Variants in LRRC4C observed in about 807,000 individuals in gnomAD.
LRRC4C encodes leucine rich repeat containing 4C.
Under a neutral mutation model 33.6 loss-of-function variants are expected in LRRC4C, and 5 were observed. The observed-to-expected ratio is 0.15, with a 90% confidence interval of 0.08 to 0.31. LRRC4C has a LOEUF of 0.31. Ranked by LOEUF, LRRC4C falls within the 10% of genes least tolerant of loss-of-function variation. The pLI is 1.00. For missense variants in LRRC4C, 560 were observed against 796.7 expected, an observed-to-expected ratio of 0.70 and a Z score of 3.58; for synonymous variants, 329 against 302.0, an observed-to-expected ratio of 1.09 and a Z score of -0.93.
intron 4 of LRRC4C, among the ~76,000 whole-genome samples, chr11:40,242,121 C>G (rs954432815): frequency 6.6e-6 from 1 of 152,164 alleles, no homozygotes; most frequent in African/African-American, 2.4e-5. Flanking sequence ...CAGTCTCCAG[C>G]GAGCTGTACA....
intron 1 of LRRC4C, among the ~76,000 whole-genome samples, chr11:41,396,401 A>G (rs564157222): frequency 6.6e-6 from 1 of 152,072 alleles, no homozygotes; most frequent in Non-Finnish European, 1.5e-5. Context: ...TTAGATTGTA[A>G]TTTTGAGATT....
chr11:40,243,980 A>G (rs1866136311), intron 4 of LRRC4C, among the ~76,000 whole-genome samples: 1 of 151,804 alleles, frequency 6.6e-6, no homozygotes, highest in Non-Finnish European at 1.5e-5. Context: ...GATTACAGGC[A>G]TGAGCCACAG....
intron 2 of LRRC4C, among the ~76,000 whole-genome samples, chr11:40,877,083 T>C (rs1954933492): frequency 6.6e-6 from 1 of 151,676 alleles, no homozygotes; most frequent in Admixed American, 6.6e-5. Flanking sequence ...TTTAACGAGG[T>C]TGATAATTTA....
At chr11:40,758,251 A>G (rs980260568) in intron 2 of LRRC4C, among the ~76,000 whole-genome samples, 10 of 151,944 alleles carry the variant, frequency 6.6e-5, no homozygotes, top group Admixed American at 2.0e-4. Context: ...AACTGGCTTT[A>G]AAAAATTATG....
At chr11:40,310,562 T>C (rs899034495) in intron 4 of LRRC4C, among the ~76,000 whole-genome samples, 1 of 152,208 alleles carries the variant, frequency 6.6e-6, no homozygotes, top group Non-Finnish European at 1.5e-5. Context: ...CCTCCAATCA[T>C]CTTTATTAAA....
At chr11:40,178,558 A>C (rs575723219) in intron 5 of LRRC4C, among the ~76,000 whole-genome samples, 1 of 152,334 alleles carries the variant, frequency 6.6e-6, no homozygotes, top group South Asian at 2.1e-4. Context: ...CTGAAATATC[A>C]AAATGTCCCA....
chr11:40,176,342 G>A (rs1274239573), intron 5 of LRRC4C, among the ~76,000 whole-genome samples: 1 of 152,134 alleles, frequency 6.6e-6, no homozygotes, highest in African/African-American at 2.4e-5. Flanking sequence ...GTGCAGGGAT[G>A]ATGTGTTTTG....
At chr11:40,943,411 G>T (rs1248815764) in intron 1 of LRRC4C, among the ~76,000 whole-genome samples, 7 of 152,062 alleles carry the variant, frequency 4.6e-5, no homozygotes, top group African/African-American at 1.2e-4. Flanking sequence ...CATTACCTTC[G>T]ATTCCAGCAC....
chr11:40,935,264 T>C (rs1011254187), intron 1 of LRRC4C, among the ~76,000 whole-genome samples: 2 of 152,192 alleles, frequency 1.3e-5, no homozygotes, highest in Non-Finnish European at 2.9e-5. Context: ...AAATAATTTA[T>C]TAATGTTATT....
At chr11:41,066,937 A>C (rs550240851) in intron 1 of LRRC4C, among the ~76,000 whole-genome samples, 1 of 152,166 alleles carries the variant, frequency 6.6e-6, no homozygotes, top group Non-Finnish European at 1.5e-5. Context: ...GGAAAGAAAA[A>C]ACTGATACCA....
rs139036665 is a variant in LRRC4C, at chr11:40,199,163, T to C, written c.-96+42356A>G. On this transcript the variant is annotated intron_variant, in intron 5 of 6. Transcript: ENST00000528697. ...TTGGCTGACAGCAACCTCTGCCTTC[T>C]GGGTTCAAGCAATTCTCCTGCCTCA... 1.3e-4 allele frequency among the ~76,000 whole-genome samples: 20 copies of C among 152,256 alleles called. 1 individual carries two copies. Among genetic ancestry groups the C allele is most frequent in the African/African-American group, 4.3e-4 (18 of 41,554 alleles).
At chr11:41,209,675 G>T (rs2136307339) in intron 1 of LRRC4C, among the ~76,000 whole-genome samples, 1 of 151,686 alleles carries the variant, frequency 6.6e-6, no homozygotes, top group African/African-American at 2.4e-5. Context: ...GAGAAAAAAA[G>T]ACTTTGGATT....
intron 3 of LRRC4C, among the ~76,000 whole-genome samples, chr11:40,556,043 CT>C (rs1030922950): frequency 6.6e-6 from 1 of 152,116 alleles, no homozygotes; most frequent in Admixed American, 6.5e-5. Flanking sequence ...GGTCTTTAGA[CT>C]TTCCTCCAAT....
intron 3 of LRRC4C, among the ~76,000 whole-genome samples, chr11:40,641,189 T>C (rs1250268839): frequency 6.6e-6 from 1 of 152,132 alleles, no homozygotes; most frequent in African/African-American, 2.4e-5. Flanking sequence ...CAGATAAAAT[T>C]ACTTCCACAA....
chr11:41,047,810 C>T (rs2138074423), intron 1 of LRRC4C, among the ~76,000 whole-genome samples: 1 of 152,116 alleles, frequency 6.6e-6, no homozygotes, highest in East Asian at 1.9e-4. Context: ...AATAAAATTT[C>T]CCCATACTTC....
At chr11:41,305,018 G>A (rs1950443257) in intron 1 of LRRC4C, among the ~76,000 whole-genome samples, 1 of 76,136 alleles carries the variant, frequency 1.3e-5, no homozygotes, top group African/African-American at 4.6e-5. Flanking sequence ...CCCTCTGCCC[G>A]GCCAGCCGCC....
chr11:40,778,981 T>A (rs1480569753), intron 2 of LRRC4C, among the ~76,000 whole-genome samples: 2 of 152,296 alleles, frequency 1.3e-5, no homozygotes, highest in Non-Finnish European at 1.5e-5. Flanking sequence ...TGATATGATC[T>A]TGAATTTTAA....
chr11:40,673,921 T>A (rs1367862268), intron 2 of LRRC4C, among the ~76,000 whole-genome samples: 1 of 152,152 alleles, frequency 6.6e-6, no homozygotes, highest in African/African-American at 2.4e-5. Context: ...AATGCACCAT[T>A]GTATATTCAT....
chr11:41,206,740 T>C lies in LRRC4C; in HGVS notation c.-496+252691A>G, dbSNP rs534028649. ...CAGACATAGACCTCAGGTTTTTCCA[T>C]CTTCTTTAACTGTTACTGCTAATAA... On this transcript the variant is annotated intron_variant, in intron 1 of 6. Coordinates refer to ENST00000528697, the MANE Select transcript of LRRC4C (RefSeq NM_001258419.2). Among the ~76,000 whole-genome samples, 27 of 152,280 alleles carry C rather than the reference T, an allele frequency of 1.8e-4. No individual in the cohort carries two copies. In the East Asian group the frequency reaches 5.2e-3, roughly 29 times the overall value.
Sources: allele counts gnomAD v4.1 joint callset (sites outside exome capture counted in the v4.1 genomes callset), GRCh38; gene constraint gnomAD v4.1.1; transcripts MANE v1.5; gene names NCBI Gene and HGNC (gene_info 2026-07-23, HGNC 2026-07-21).